CYP3A7: variants seen among roughly 807,000 people sequenced by gnomAD.
The protein encoded by CYP3A7 is cytochrome P450 family 3 subfamily A member 7.
In CYP3A7, 45 loss-of-function variants were observed where a neutral mutation model predicts 55.2. That is an observed-to-expected ratio of 0.82 (90% confidence interval 0.64 to 1.05). The LOEUF is 1.05. CYP3A7 is among the 50% of genes least tolerant of loss of function. CYP3A7 has a pLI of 0.00. For missense variants in CYP3A7, 548 were observed against 605.3 expected (o/e 0.91, Z 0.99); for synonymous variants, 180 against 207.4 (o/e 0.87, Z 1.13).
chr7:99,727,826 A>G (rs1165435430), intron 2 of CYP3A7, among the ~76,000 whole-genome samples: 1 of 152,192 alleles, frequency 6.6e-6, no homozygotes, highest in Admixed American at 6.5e-5. Context: ...AATGCTGTCC[A>G]TATCCTGCAC....
intron 1 of CYP3A7, 55 bp downstream of exon 1, chr7:99,734,968 G>A: frequency 1.2e-6 from 2 of 1,612,368 alleles, no homozygotes; most frequent in South Asian, 1.1e-5. Context: ...AGAGAGGCCT[G>A]ATTAGCACCC....
At chr7:99,726,594 C>T (rs11765827) in intron 2 of CYP3A7, among the ~76,000 whole-genome samples, 6,489 of 152,270 alleles carry the variant, frequency 0.043, 197 homozygotes, top group Middle Eastern at 0.088. Context: ...CCCTGACACC[C>T]ATCAGTCCCA....
intron 2 of CYP3A7, among the ~76,000 whole-genome samples, chr7:99,728,365 C>T (rs1442213824): frequency 6.6e-6 from 1 of 152,184 alleles, no homozygotes; most frequent in Non-Finnish European, 1.5e-5. Flanking sequence ...TTCTTGTTTA[C>T]TTATACCGAA....
At position 99,727,598 on chromosome 7, in the gene CYP3A7, T is replaced by C. The variant is rs1339189797; in HGVS notation, c.165+3461A>G. On this transcript the variant is annotated intron_variant, in intron 2 of 12. Transcript: ENST00000336374. Reference sequence around the variant, plus strand: ...TTCCCCATATTTCCTTCTTTCCTGTTTTTCACCTGAATCACAGTTAGTTTA... The same window carrying C: ...TTCCCCATATTTCCTTCTTTCCTGTCTTTCACCTGAATCACAGTTAGTTTA... 3.3e-5 allele frequency among the ~76,000 whole-genome samples: 5 copies of C among 152,152 alleles called. No homozygotes were observed. The South Asian group carries it at 1.0e-3, about 32-fold the overall frequency.
intron 12 of CYP3A7, 74 bp from the exon 13 acceptor site, chr7:99,705,669 A>G: frequency 6.4e-7 from 1 of 1,560,598 alleles, no homozygotes; most frequent in South Asian, 1.1e-5. Flanking sequence ...CAAAGTAAAA[A>G]AAAATTACTG....
At chr7:99,722,734 G>A (rs1430708405) in intron 2 of CYP3A7, among the ~76,000 whole-genome samples, 3 of 152,138 alleles carry the variant, frequency 2.0e-5, no homozygotes, top group Non-Finnish European at 4.4e-5. Flanking sequence ...GCGCCAGAAG[G>A]GAACGTGCAG....
chr7:99,731,438 C>T (rs543037425), intron 1 of CYP3A7, among the ~76,000 whole-genome samples: 1 of 152,144 alleles, frequency 6.6e-6, no homozygotes, highest in Non-Finnish European at 1.5e-5. Context: ...TGTGAATGAT[C>T]CTGAGAGGTT....
At chr7:99,708,416 G>C (rs959993793) in intron 11 of CYP3A7, among the ~76,000 whole-genome samples, 3 of 151,964 alleles carry the variant, frequency 2.0e-5, no homozygotes, top group South Asian at 2.1e-4. Context: ...TTCTCCTCTC[G>C]TCTCTTGTTT....
intron 2 of CYP3A7, 106 bp downstream of exon 2, chr7:99,730,953 G>A (rs2151534788): frequency 7.0e-7 from 1 of 1,426,086 alleles, no homozygotes; most frequent in South Asian, 1.2e-5. Flanking sequence ...ATTTCTGAAA[G>A]TATAAAATCT....
Position 99,707,796 on chromosome 7 carries a change from C to A in CYP3A7, c.1416+16G>T. 1.2e-6 allele frequency: 2 copies of A among 1,613,562 alleles called. No homozygotes were observed. The highest frequency in any genetic ancestry group is 1.3e-5 in the African/African-American group (1 of 75,008). On this transcript the variant is annotated intron_variant, in intron 12 of 12. Transcript: ENST00000336374. ...AATTGTTAATAAAACATTATTAATGCAGAAAATTGACTGACCTGTGTTTCT... is the reference window on the plus strand; with the variant it reads ...AATTGTTAATAAAACATTATTAATGAAGAAAATTGACTGACCTGTGTTTCT...
intron 12 of CYP3A7, among the ~76,000 whole-genome samples, chr7:99,707,146 G>C (rs1813555324): frequency 6.6e-6 from 1 of 152,206 alleles, no homozygotes; most frequent in South Asian, 2.1e-4. Flanking sequence ...GATTAGCAGA[G>C]TTATAATTGA....
At position 99,715,807 on chromosome 7, in the gene CYP3A7, G is replaced by T. The variant is rs758727522; in HGVS notation, c.621C>A (p.Thr207=). ...ATGGATTAAATCTTAAAAGCTTCTT[G>T]GTGTTTTCCACAAAGGGGTCTTGTG... ...NNPQDPFVEN[T]KKLLRFNPLD... Residue 207 remains threonine (T), a synonymous_variant, in exon 7 of 13, where the codon ACC becomes ACA. Transcript: ENST00000336374. 6.2e-7 allele frequency: 1 copy of T among 1,613,884 alleles called. No homozygotes were observed.
In CYP3A7 at chr7:99,707,942, G is replaced by A; in HGVS notation, c.1286C>T (p.Pro429Leu). 6.2e-7 allele frequency: 1 copy of A among 1,613,916 alleles called. No individual in the cohort carries two copies. Among genetic ancestry groups the A allele is most frequent in the Admixed American group, 1.7e-5 (1 of 60,012 alleles). The change falls in exon 12 of 13, where the codon CCT (proline) becomes CTT (leucine). Residue 429 changes from proline to leucine, a missense_variant. By Grantham distance (98) the Pro-to-Leu change is moderately conservative (BLOSUM62 -3). Transcript: ENST00000336374. The part of the protein sequence containing the change: ...FSKKNKDNID[P>L]YIYTPFGSGP... ...ACTTCCAAAGGGTGTGTATATGTAA[G>A]GATCTATGTTGTCCTTGTTCTTTTT... is the stretch of plus-strand genomic sequence containing the variant.
At chr7:99,732,528 TG>T (rs1327467658) in intron 1 of CYP3A7, among the ~76,000 whole-genome samples, 1 of 152,186 alleles carries the variant, frequency 6.6e-6, no homozygotes, top group African/African-American at 2.4e-5. Context: ...TCAAGGCTGC[TG>T]CTCCCTATAG....
chr7:99,724,268 A>G (rs1475584706), intron 2 of CYP3A7, among the ~76,000 whole-genome samples: 1 of 152,190 alleles, frequency 6.6e-6, no homozygotes, highest in Non-Finnish European at 1.5e-5. Context: ...CTTCTGCAAT[A>G]CCGCTTGGCC....
chr7:99,708,454 C>T (rs920765712), intron 11 of CYP3A7, among the ~76,000 whole-genome samples: 25 of 152,100 alleles, frequency 1.6e-4, no homozygotes, highest in African/African-American at 5.3e-4. Context: ...CTCCTCCCTA[C>T]CTTGTCTTAC....
At chr7:99,722,150 T>G in intron 3 of CYP3A7, 146 bp downstream of exon 3, 2 of 989,812 alleles carry the variant, frequency 2.0e-6, no homozygotes, top group Non-Finnish European at 1.5e-6. Context: ...AATACATATC[T>G]TCTTCTTTCA....
chr7:99,714,661 G>T lies in CYP3A7; in HGVS notation c.692C>A (p.Pro231Gln). The change falls in exon 8 of 13, where the codon CCA becomes CAA. Residue 231 changes from proline (P) to glutamine (Q), a missense_variant. Physicochemically the swap from Pro to Gln is moderately conservative, Grantham distance 76 (BLOSUM62 -1). Coordinates refer to ENST00000336374, the MANE Select transcript of CYP3A7 (RefSeq NM_000765.5). Reference protein sequence around the residue: ...LSIKVFPFLTPILEALNITVF... With the variant: ...LSIKVFPFLTQILEALNITVF... ...AGTGATATTTAATGCTTCAAGAATT[G>T]GGGTAAGGAATGGAAAGACTTCTGT... The T allele has an allele frequency of 6.2e-7, 1 of 1,612,478 alleles. No homozygotes were observed. Among genetic ancestry groups the T allele is most frequent in the Non-Finnish European group, 8.5e-7 (1 of 1,179,324 alleles).
chr7:99,721,751 G>A (rs1360234913), intron 3 of CYP3A7, among the ~76,000 whole-genome samples: 2 of 152,108 alleles, frequency 1.3e-5, no homozygotes, highest in African/African-American at 4.8e-5. Context: ...ACGTGTGTGT[G>A]TGTGTGTCAG....
Sources: gnomAD v4.1 joint callset for allele counts (sites outside exome capture counted in the v4.1 genomes callset) on GRCh38, gnomAD v4.1.1 for gene constraint, MANE v1.5 for transcripts, NCBI Gene and HGNC (gene_info 2026-07-23, HGNC 2026-07-21) for gene names.